TTC27: variants seen among roughly 807,000 people sequenced by gnomAD.
TTC27 encodes tetratricopeptide repeat domain 27.
A neutral mutation model predicts 115.9 loss-of-function variants in TTC27; 79 were observed. The ratio of observed to expected loss-of-function variants is 0.68; its 90% CI spans 0.57 to 0.82. TTC27 has a LOEUF of 0.82. Among genes scored for constraint, TTC27 ranks in the 40% least tolerant of loss-of-function variants. The probability of loss-of-function intolerance (pLI) is 0.00; values close to 1 mark genes in which losing one functional copy is unlikely to be tolerated. For missense variants in TTC27, 1,054 were observed against 993.1 expected (o/e 1.06, Z -0.82); for synonymous variants, 401 against 356.0 (o/e 1.13, Z -1.42).
chr2:32,716,356 T>G (rs1302125371), intron 10 of TTC27, among the ~76,000 whole-genome samples: 1 of 152,228 alleles, frequency 6.6e-6, no homozygotes, highest in African/African-American at 2.4e-5. Flanking sequence ...TATTACAAAT[T>G]TTAGTACTGC....
intron 10 of TTC27, among the ~76,000 whole-genome samples, chr2:32,727,798 A>C (rs10199160): frequency 6.6e-6 from 1 of 151,902 alleles, no homozygotes; most frequent in Non-Finnish European, 1.5e-5. Flanking sequence ...ATTTTTGTTA[A>C]TGTCATAGAT....
intron 9 of TTC27, among the ~76,000 whole-genome samples, chr2:32,692,095 G>A (rs1339418024): frequency 9.0e-6 from 1 of 110,738 alleles, no homozygotes; most frequent in Non-Finnish European, 1.7e-5. Context: ...TGCTCAGGCT[G>A]GTCTTGAACT....
intron 1 of TTC27, 42 bp from the exon 2 acceptor site, chr2:32,630,481 A>C: frequency 6.7e-7 from 1 of 1,499,604 alleles, no homozygotes; most frequent in African/African-American, 1.4e-5. Context: ...GGTATGAAAA[A>C]TAATTTTTTT....
chr2:32,797,027 A>T (rs1303805052), intron 16 of TTC27, among the ~76,000 whole-genome samples: 2 of 151,936 alleles, frequency 1.3e-5, no homozygotes, highest in African/African-American at 2.4e-5. Flanking sequence ...TACAAAAATT[A>T]GCTGGGCATG....
At chr2:32,733,752 A>G (rs1668366692) in intron 10 of TTC27, 76 bp from the exon 11 acceptor site, 3 of 857,052 alleles carry the variant, frequency 3.5e-6, no homozygotes, top group African/African-American at 1.8e-5. Context: ...GTGCATTTGT[A>G]TAACTATTAC....
Position 32,811,133 on chromosome 2 carries a change from C to G in TTC27, c.2108C>G (p.Ser703Ter). ...CAGGAGTTATTTGGCAGAGTGACTT[C>G]AAGAGTGACAAATGATGGAGAAATC... ...KLQELFGRVT[S>*]RVTNDGEIWR... is the part of the protein sequence containing the mutation. The change falls in exon 17 of 20, where the codon TCA becomes TGA. Residue 703 changes from serine (S) to a stop codon, truncating the protein, a stop_gained. Transcript: ENST00000317907. LOFTEE classifies it high-confidence loss of function. The G allele has an allele frequency of 6.2e-7, 1 of 1,614,130 alleles. No individual in the cohort carries two copies. The highest frequency in any genetic ancestry group is 8.5e-7 in the Non-Finnish European group (1 of 1,180,010).
intron 4 of TTC27, among the ~76,000 whole-genome samples, chr2:32,642,247 ATTT>A (rs10634857): frequency 9.8e-6 from 1 of 102,148 alleles, no homozygotes; most frequent in Non-Finnish European, 1.8e-5. Flanking sequence ...TATACACTAA[ATTT>A]TTTTTTTTTT....
intron 5 of TTC27, among the ~76,000 whole-genome samples, chr2:32,657,777 C>A (rs1333568413): frequency 6.6e-6 from 1 of 152,030 alleles, no homozygotes; most frequent in East Asian, 1.9e-4. Flanking sequence ...AATGAGGTGA[C>A]CAGTCAGTAA....
intron 10 of TTC27, among the ~76,000 whole-genome samples, chr2:32,707,199 A>T (rs189063262): frequency 6.6e-6 from 1 of 152,214 alleles, no homozygotes; most frequent in Non-Finnish European, 1.5e-5. Flanking sequence ...TGGGTAATTT[A>T]TAAAGAAAAG....
chr2:32,803,181 G>A (rs976914464), intron 16 of TTC27, among the ~76,000 whole-genome samples: 10 of 152,190 alleles, frequency 6.6e-5, no homozygotes, highest in African/African-American at 2.2e-4. Context: ...ACCTTCACTA[G>A]ACATTGCTCT....
chr2:32,736,942 C>T, intron 12 of TTC27, 126 bp downstream of exon 12: 2 of 1,325,638 alleles, frequency 1.5e-6, no homozygotes, highest in Non-Finnish European at 2.0e-6. Flanking sequence ...ACTTTTTTTC[C>T]AGAAAACTTT....
chr2:32,811,331 G>A (rs1267359495), intron 17 of TTC27, 110 bp downstream of exon 17: 3 of 1,029,358 alleles, frequency 2.9e-6, no homozygotes, highest in Non-Finnish European at 4.3e-6. Context: ...GATAAGATTA[G>A]TATGCTTAAG....
chr2:32,752,179 C>T (rs1479980847), intron 12 of TTC27, among the ~76,000 whole-genome samples: 2 of 152,178 alleles, frequency 1.3e-5, no homozygotes, highest in East Asian at 3.8e-4. Flanking sequence ...AACAAAAGGA[C>T]CTCTAAGCTT....
intron 7 of TTC27, among the ~76,000 whole-genome samples, chr2:32,669,930 A>G (rs934791591): frequency 6.6e-6 from 1 of 151,708 alleles, no homozygotes; most frequent in African/African-American, 2.4e-5. Context: ...CAATGTGAAA[A>G]TATGTATTTT....
At chr2:32,653,419 C>T (rs887311516) in intron 5 of TTC27, among the ~76,000 whole-genome samples, 5 of 152,034 alleles carry the variant, frequency 3.3e-5, no homozygotes, top group Non-Finnish European at 7.4e-5. Context: ...CATGGTGAAA[C>T]CCTGTCTCTA....
intron 9 of TTC27, among the ~76,000 whole-genome samples, chr2:32,691,169 T>C (rs1666795665): frequency 6.6e-6 from 1 of 152,220 alleles, no homozygotes; most frequent in African/African-American, 2.4e-5. Flanking sequence ...AGATCCTCTT[T>C]GATGATGGTA....
chr2:32,733,676 AT>A (rs1274701418), intron 10 of TTC27, 151 bp from the exon 11 acceptor site: 1 of 433,792 alleles, frequency 2.3e-6, no homozygotes, highest in African/African-American at 2.0e-5. Flanking sequence ...ATTTAAAGAA[AT>A]TCGAGAAAAA....
chr2:32,802,751 A>G (rs1446647824), intron 16 of TTC27, among the ~76,000 whole-genome samples: 1 of 152,190 alleles, frequency 6.6e-6, no homozygotes, highest in Non-Finnish European at 1.5e-5. Flanking sequence ...CTCTGTGAGA[A>G]CAACCTCAAG....
chr2:32,691,026 C>A lies in TTC27; in HGVS notation c.1120-11781C>A, dbSNP rs187432288. On this transcript the variant is annotated intron_variant, in intron 9 of 19. Coordinates refer to ENST00000317907, the MANE Select transcript of TTC27 (RefSeq NM_017735.5). ...TGGAAAAAGCAGCTATCTGAAAGCGCCTTCAGTGTTTAAAGGAGTAGCCTG... is the reference window on the plus strand; with the variant it reads ...TGGAAAAAGCAGCTATCTGAAAGCGACTTCAGTGTTTAAAGGAGTAGCCTG... Among the ~76,000 whole-genome samples, 139 of 152,210 alleles carry A rather than the reference C, an allele frequency of 9.1e-4. 1 individual carries two copies. Among genetic ancestry groups the A allele is most frequent in the South Asian group, 5.2e-3 (25 of 4,828 alleles).
Sources: allele counts gnomAD v4.1 joint callset (sites outside exome capture counted in the v4.1 genomes callset), GRCh38; gene constraint gnomAD v4.1.1; transcripts MANE v1.5; gene names NCBI Gene and HGNC (gene_info 2026-07-23, HGNC 2026-07-21).